The following NDST4 variants were observed in gnomAD, a reference collection of about 807,000 sequenced individuals.
NDST4 encodes N-heparan sulfate sulfotransferase 4.
NDST4 carries 63 observed loss-of-function variants against 100.8 expected under a neutral mutation model. That is an observed-to-expected ratio of 0.62 (90% CI 0.51 to 0.77). The LOEUF is 0.77. NDST4 is among the 30% of genes least tolerant of loss of function. The pLI is 0.00. For missense variants in NDST4, 943 were observed against 1,018.4 expected (o/e 0.93, Z 1.01); for synonymous variants, 377 against 361.8 (o/e 1.04, Z -0.48).
intron 3 of NDST4, among the ~76,000 whole-genome samples, chr4:114,975,165 T>A (rs1038911787): frequency 6.6e-6 from 1 of 152,144 alleles, no homozygotes; most frequent in African/African-American, 2.4e-5. Context: ...CAGAAGAAAC[T>A]TTGATATCCC....
chr4:115,064,795 T>C (rs1728897380), intron 2 of NDST4, among the ~76,000 whole-genome samples: 1 of 152,146 alleles, frequency 6.6e-6, no homozygotes, highest in Admixed American at 6.6e-5. Flanking sequence ...GTTTTTCTTC[T>C]TCTTTGATAT....
At chr4:115,051,262 G>C (rs1321556133) in intron 2 of NDST4, among the ~76,000 whole-genome samples, 1 of 151,798 alleles carries the variant, frequency 6.6e-6, no homozygotes, top group African/African-American at 2.4e-5. Context: ...TGCATATAAA[G>C]GATAAACATC....
At chr4:114,851,796 T>A (rs1312322848) in intron 8 of NDST4, among the ~76,000 whole-genome samples, 2 of 152,154 alleles carry the variant, frequency 1.3e-5, no homozygotes, top group Non-Finnish European at 2.9e-5. Flanking sequence ...GTAATACAAT[T>A]TATATTCCTA....
At chr4:115,096,338 G>T (rs1411299708) in intron 1 of NDST4, among the ~76,000 whole-genome samples, 1 of 151,958 alleles carries the variant, frequency 6.6e-6, no homozygotes, top group Non-Finnish European at 1.5e-5. Context: ...TTAATTCTGT[G>T]ATAAGTCTTG....
chr4:114,915,377 G>A (rs997214473), intron 6 of NDST4, among the ~76,000 whole-genome samples: 33 of 152,222 alleles, frequency 2.2e-4, no homozygotes, highest in South Asian at 1.2e-3. Context: ...CACCAGGTAG[G>A]ATGCAAAAAG....
intron 4 of NDST4, among the ~76,000 whole-genome samples, chr4:114,951,951 G>T (rs1725998719): frequency 6.6e-6 from 1 of 152,128 alleles, no homozygotes; most frequent in Non-Finnish European, 1.5e-5. Flanking sequence ...ATACTAATTT[G>T]CTTTAAAGCA....
rs1192796806 is a variant in NDST4 at position 115,033,157 on chromosome 4, A to AT, written c.978+42901dup. On this transcript the variant is annotated intron_variant, in intron 2 of 13. Transcript: ENST00000264363. The stretch of plus-strand genomic sequence containing the variant: ...TATATATATATATATATATATATAT[A>AT]TTTTTTTTTTTTTTGAAACAGGGTC... Among the ~76,000 whole-genome samples the AT allele has an allele frequency of 5.0e-3, 302 of 59,908 alleles. 1 individual carries two copies. The highest frequency in any genetic ancestry group is 8.1e-3 in the Middle Eastern group (1 of 124). 39.3% of individuals were successfully genotyped at this position (59,908 alleles called of 152,430 possible).
In NDST4 at chr4:114,852,762, G is replaced by GTTTTCT. The variant is rs749372258; in HGVS notation, c.1778_1779insAGAAAA (p.His593delinsGlnGluAsn). Reference sequence around the variant, plus strand: ...GACCAATTACTAGAAATTTTGGTAAGTGGTCACAAGTTTTCTCTCTGGACC... The same window carrying GTTTTCT: ...GACCAATTACTAGAAATTTTGGTAAGTTTTCTTGGTCACAAGTTTTCTCTCTGGACC... On this transcript the variant is annotated protein_altering_variant, in exon 8 of 14. Coordinates refer to ENST00000264363, the MANE Select transcript of NDST4 (RefSeq NM_022569.3). 6.2e-7 allele frequency: 1 copy of GTTTTCT among 1,612,450 alleles called. No homozygotes were observed. Among genetic ancestry groups the GTTTTCT allele is most frequent in the South Asian group, 1.1e-5 (1 of 90,886 alleles).
At chr4:115,047,379 C>G (rs1213622026) in intron 2 of NDST4, among the ~76,000 whole-genome samples, 1 of 152,046 alleles carries the variant, frequency 6.6e-6, no homozygotes, top group Non-Finnish European at 1.5e-5. Flanking sequence ...GACAGGCACA[C>G]ATTTACCAAA....
At chr4:114,918,893 T>C (rs552335984) in intron 6 of NDST4, among the ~76,000 whole-genome samples, 2 of 152,348 alleles carry the variant, frequency 1.3e-5, no homozygotes, top group African/African-American at 2.4e-5. Context: ...GCCTCCCCAA[T>C]CTGCAGATTG....
chr4:114,947,131 C>A (rs756223756), intron 4 of NDST4, among the ~76,000 whole-genome samples: 12 of 152,002 alleles, frequency 7.9e-5, no homozygotes, highest in Admixed American at 2.6e-4. Flanking sequence ...CATAGAAGGT[C>A]CCCTTGGGGT....
chr4:115,092,498 T>C lies in NDST4; in HGVS notation c.-246-15216A>G, dbSNP rs183394393. The stretch of plus-strand genomic sequence containing the variant: ...CAGTTAGTCTAAATGAACGTGAGTA[T>C]AGAATACGGTAATAATAAAATCCTG... On this transcript the variant is annotated intron_variant, in intron 1 of 13. Transcript: ENST00000264363. 1.2e-3 allele frequency among the ~76,000 whole-genome samples: 179 copies of C among 152,246 alleles called. 1 individual carries two copies. Among genetic ancestry groups the C allele is most frequent in the Admixed American group, 9.6e-3 (147 of 15,288 alleles).
chr4:115,090,107 C>T (rs966548378), intron 1 of NDST4, among the ~76,000 whole-genome samples: 7 of 151,578 alleles, frequency 4.6e-5, no homozygotes, highest in African/African-American at 1.7e-4. Flanking sequence ...TCATTTCTAC[C>T]TCAATCATTA....
rs750574748 is a variant in NDST4 at position 114,845,952 on chromosome 4, A to G, written c.1986T>C (p.Phe662=). The G allele has an allele frequency of 1.9e-6, 3 of 1,613,918 alleles. No homozygotes were observed. In the African/African-American group the frequency reaches 4.0e-5, roughly 22 times the overall value. The part of the protein sequence containing the change: ...FPTPSNTTSD[F]LFEKSANYFH... Reference sequence around the variant, plus strand: ...AGTAATTAGCACTCTTTTCAAACAGAAAGTCACTTGTAGTATTGGATGGTG... The same window carrying G: ...AGTAATTAGCACTCTTTTCAAACAGGAAGTCACTTGTAGTATTGGATGGTG... The change falls in exon 10 of 14, where the codon TTT becomes TTC. Residue 662 remains phenylalanine, a synonymous_variant. Transcript: ENST00000264363.
At chr4:115,047,440 C>T (rs554716526) in intron 2 of NDST4, among the ~76,000 whole-genome samples, 1 of 151,996 alleles carries the variant, frequency 6.6e-6, no homozygotes, top group Non-Finnish European at 1.5e-5. Flanking sequence ...TGAAAATATT[C>T]TAGCATTTAT....
chr4:115,074,997 T>C (rs1340809787), intron 2 of NDST4, among the ~76,000 whole-genome samples: 1 of 152,166 alleles, frequency 6.6e-6, no homozygotes, highest in African/African-American at 2.4e-5. Context: ...GTTTAAAAGA[T>C]GATTATCTTT....
chr4:115,003,072 C>T (rs567294261), intron 2 of NDST4, among the ~76,000 whole-genome samples: 10 of 152,034 alleles, frequency 6.6e-5, no homozygotes, highest in Non-Finnish European at 1.5e-4. Flanking sequence ...ACACTGGGGC[C>T]TGACCAGGGC....
intron 4 of NDST4, among the ~76,000 whole-genome samples, chr4:114,959,365 A>C (rs1299968975): frequency 1.3e-5 from 2 of 151,490 alleles, no homozygotes; most frequent in African/African-American, 4.9e-5. Flanking sequence ...CTGCTATGAA[A>C]AAAATCCAAG....
At chr4:115,052,545 G>A (rs989774259) in intron 2 of NDST4, among the ~76,000 whole-genome samples, 19 of 151,968 alleles carry the variant, frequency 1.3e-4, no homozygotes, top group African/African-American at 3.9e-4. Flanking sequence ...ACAGTAAATA[G>A]GTCTCAAGAG....
Sources: gnomAD v4.1 joint callset for allele counts (sites outside exome capture counted in the v4.1 genomes callset) on GRCh38, gnomAD v4.1.1 for gene constraint, MANE v1.5 for transcripts, NCBI Gene and HGNC (gene_info 2026-07-23, HGNC 2026-07-21) for gene names.